CDH17: variants seen among roughly 807,000 people sequenced by gnomAD.
CDH17 encodes cadherin 17, also known as cadherin-17.
Under a neutral mutation model 86.3 loss-of-function variants are expected in CDH17, and 67 were observed. The ratio of observed to expected loss-of-function variants is 0.78; its 90% CI spans 0.64 to 0.95. The LOEUF is 0.95. Ranked by LOEUF, CDH17 falls within the 40% of genes least tolerant of loss-of-function variation. The probability of loss-of-function intolerance (pLI) is 0.00; values close to 1 mark genes in which losing one functional copy is unlikely to be tolerated. For synonymous variants in CDH17, 367 were observed against 366.4 expected, an observed-to-expected ratio of 1.00 and a Z score of -0.02; for missense variants, 993 against 1,017.6, an observed-to-expected ratio of 0.98 and a Z score of 0.33.
intron 10 of CDH17, among the ~76,000 whole-genome samples, chr8:94,165,419 C>T (rs1813132964): frequency 6.6e-6 from 1 of 152,166 alleles, no homozygotes. Context: ...CAGCGTCAGG[C>T]ATCAGGCTTG....
At chr8:94,145,862 C>A in intron 15 of CDH17, 66 bp downstream of exon 15, 1 of 1,527,398 alleles carries the variant, frequency 6.5e-7, no homozygotes, top group Non-Finnish European at 8.9e-7. Context: ...GCAAACCCAC[C>A]AAGTTAAATA....
At chr8:94,144,832 C>T (rs1210757229) in intron 15 of CDH17, among the ~76,000 whole-genome samples, 1 of 152,072 alleles carries the variant, frequency 6.6e-6, no homozygotes, top group Non-Finnish European at 1.5e-5. Context: ...TCCAAACAGC[C>T]TAATTTTTAA....
At chr8:94,190,026 G>C (rs1046038493) in intron 2 of CDH17, among the ~76,000 whole-genome samples, 1 of 152,222 alleles carries the variant, frequency 6.6e-6, no homozygotes, top group East Asian at 1.9e-4. Context: ...GTCAAGACTG[G>C]AGTAGTAGTG....
chr8:94,179,617 C>T (rs1438392264), intron 3 of CDH17, among the ~76,000 whole-genome samples: 1 of 152,246 alleles, frequency 6.6e-6, no homozygotes, highest in African/African-American at 2.4e-5. Flanking sequence ...GAGTTGTAAA[C>T]TGCCTGCCAC....
chr8:94,204,243 G>A (rs530013968), intron 1 of CDH17, among the ~76,000 whole-genome samples: 4 of 151,948 alleles, frequency 2.6e-5, no homozygotes, highest in Admixed American at 6.6e-5. Context: ...CCATCAACCC[G>A]TCATTTAGGT....
Position 94,145,996 on chromosome 8 carries a change from C to T in CDH17, c.2099G>A (p.Gly700Asp). ...GCCGAGGGAAAATGTAAAATGGGGA[C>T]CCCGAAATAAGTGCTGATCATCATC... is the stretch of plus-strand genomic sequence containing the variant. Reference protein sequence around the residue: ...ATDDDQHLFRGPHFTFSLGSG... With the variant: ...ATDDDQHLFRDPHFTFSLGSG... Residue 700 changes from glycine (G) to aspartate (D), a missense_variant, in exon 15 of 18, where the codon GGT becomes GAT. Coordinates refer to ENST00000027335, the MANE Select transcript of CDH17 (RefSeq NM_004063.4). The T allele has an allele frequency of 1.2e-6, 2 of 1,613,780 alleles. No individual in the cohort carries two copies. Among genetic ancestry groups the T allele is most frequent in the Non-Finnish European group, 1.7e-6 (2 of 1,179,862 alleles).
chr8:94,210,206 T>C (rs1814098987), upstream of CDH17, among the ~76,000 whole-genome samples: 1 of 138,134 alleles, frequency 7.2e-6, no homozygotes, highest in South Asian at 2.4e-4. Context: ...CAGATTTTTT[T>C]CCTTCCAGCT....
chr8:94,201,314 T>TC (rs1471197611), intron 1 of CDH17, among the ~76,000 whole-genome samples: 2 of 152,070 alleles, frequency 1.3e-5, no homozygotes, highest in Non-Finnish European at 2.9e-5. Flanking sequence ...TGTGTCTCCC[T>TC]CCCCCTCAAA....
At chr8:94,134,753 G>A (rs1274269883) in intron 15 of CDH17, among the ~76,000 whole-genome samples, 1 of 152,044 alleles carries the variant, frequency 6.6e-6, no homozygotes, top group East Asian at 1.9e-4. Context: ...TGTGATGTTA[G>A]GGTGTCAATT....
chr8:94,144,737 T>C (rs1219524213), intron 15 of CDH17, among the ~76,000 whole-genome samples: 1 of 152,076 alleles, frequency 6.6e-6, no homozygotes, highest in Non-Finnish European at 1.5e-5. Flanking sequence ...AGCCATGGCC[T>C]GGGAGAAAAT....
At chr8:94,131,157 G>A (rs1227342715) in intron 15 of CDH17, among the ~76,000 whole-genome samples, 165 bp from the exon 16 acceptor site, 1 of 152,180 alleles carries the variant, frequency 6.6e-6, no homozygotes, top group Non-Finnish European at 1.5e-5. Flanking sequence ...TTCCCATAAG[G>A]TAAGAAAGGG....
At chr8:94,148,617 A>T in intron 14 of CDH17, 127 bp downstream of exon 14, 1 of 558,516 alleles carries the variant, frequency 1.8e-6, no homozygotes. Flanking sequence ...TCATCCTTCC[A>T]CTTTAAGGTT....
intron 9 of CDH17, among the ~76,000 whole-genome samples, chr8:94,167,768 G>A (rs762332513): frequency 2.8e-4 from 43 of 151,996 alleles, no homozygotes; most frequent in Non-Finnish European, 5.4e-4. Flanking sequence ...GCTGCCAGAG[G>A]CACCATGAGG....
chr8:94,157,914 C>T lies in CDH17; in HGVS notation c.1551+2057G>A, dbSNP rs3779690. On this transcript the variant is annotated intron_variant, in intron 12 of 17. Transcript: ENST00000027335. The stretch of plus-strand genomic sequence containing the variant: ...CAAAAAAAGATGTGCTGTTTGGTTA[C>T]GAGTATAGTGTATCCCTTAGTCATT... 1.4e-4 allele frequency among the ~76,000 whole-genome samples: 21 copies of T among 152,264 alleles called. 1 individual carries two copies. The East Asian group carries it at 2.5e-3, about 18-fold the overall frequency.
intron 15 of CDH17, among the ~76,000 whole-genome samples, chr8:94,142,643 C>T (rs1812662320): frequency 6.6e-6 from 1 of 152,220 alleles, no homozygotes; most frequent in Non-Finnish European, 1.5e-5. Flanking sequence ...CAAACACTGC[C>T]ACTGTTTTAT....
At chr8:94,187,931 G>A (rs1813612281) in intron 3 of CDH17, among the ~76,000 whole-genome samples, 1 of 152,018 alleles carries the variant, frequency 6.6e-6, no homozygotes, top group East Asian at 1.9e-4. Context: ...ACCTCACCGG[G>A]CTGCATAGAC....
chr8:94,132,158 A>G lies in CDH17; in HGVS notation c.2168-1166T>C, dbSNP rs1162523227. Among the ~76,000 whole-genome samples, 5 of 152,318 alleles carry G rather than the reference A, an allele frequency of 3.3e-5. No individual in the cohort carries two copies. In the South Asian group the frequency reaches 8.3e-4, roughly 25 times the overall value. Reference sequence around the variant, plus strand: ...AACATACGTGTGCACGTGTCTTTATAGTAGCATGGTTTATAATCCTTTGGG... The same window carrying G: ...AACATACGTGTGCACGTGTCTTTATGGTAGCATGGTTTATAATCCTTTGGG... On this transcript the variant is annotated intron_variant, in intron 15 of 17. Coordinates refer to ENST00000027335, the MANE Select transcript of CDH17 (RefSeq NM_004063.4).
At chr8:94,168,112 A>ATG (rs1813194036) in intron 9 of CDH17, among the ~76,000 whole-genome samples, 1 of 16,772 alleles carries the variant, frequency 6.0e-5, no homozygotes, top group African/African-American at 2.1e-4. Context: ...ATATATATAT[A>ATG]TATATATATA....
chr8:94,177,070 T>C (rs1813387790), intron 4 of CDH17, among the ~76,000 whole-genome samples: 1 of 152,194 alleles, frequency 6.6e-6, no homozygotes, highest in Admixed American at 6.5e-5. Flanking sequence ...CTTTTTTCCA[T>C]AGTAGGCTCT....
Sources: gnomAD v4.1 joint callset for allele counts (sites outside exome capture counted in the v4.1 genomes callset) on GRCh38, gnomAD v4.1.1 for gene constraint, MANE v1.5 for transcripts, NCBI Gene and HGNC (gene_info 2026-07-23, HGNC 2026-07-21) for gene names.